The following SEC24D variants were observed in gnomAD, a reference collection of about 807,000 sequenced individuals.
The protein encoded by SEC24D is SEC24 homolog D, COPII component, also known as protein transport protein Sec24D.
In SEC24D, 69 loss-of-function variants were observed where a neutral mutation model predicts 116.9. The ratio of observed to expected loss-of-function variants is 0.59; its 90% CI spans 0.49 to 0.72. The LOEUF (loss-of-function observed/expected upper bound fraction) is 0.72. SEC24D is among the 30% of genes least tolerant of loss of function. The probability of loss-of-function intolerance (pLI) is 0.00; values close to 1 mark genes in which losing one functional copy is unlikely to be tolerated. For synonymous variants in SEC24D, 405 were observed against 442.8 expected (o/e 0.91, Z 1.07); for missense variants, 1,131 against 1,264.1 (o/e 0.89, Z 1.60).
At chr4:118,781,672 C>T (rs2110487140) in intron 8 of SEC24D, among the ~76,000 whole-genome samples, 1 of 152,306 alleles carries the variant, frequency 6.6e-6, no homozygotes, top group Middle Eastern at 3.4e-3. Context: ...GGATAATGTT[C>T]TGAAGAGTGT....
chr4:118,752,857 C>T lies in SEC24D; in HGVS notation c.1453G>A (p.Val485Met). 1 of 1,592,070 alleles carries T rather than the reference C, an allele frequency of 6.3e-7. No individual in the cohort carries two copies. Among genetic ancestry groups the T allele is most frequent in the Non-Finnish European group, 8.5e-7 (1 of 1,172,804 alleles). The change falls in exon 12 of 23, where the codon GTG becomes ATG. Residue 485 changes from valine to methionine, a missense_variant. By Grantham distance (21) the Val-to-Met change is conservative. Transcript: ENST00000280551. The stretch of plus-strand genomic sequence containing the variant: ...ACTTTGTTATATGTGATAAAACCCA[C>T]TCGAATTGCAGACGTCTCTTCTTGC... ...EEQEETSAIRVGFITYNKVLH... is the reference protein window; with the variant it reads ...EEQEETSAIRMGFITYNKVLH...
At chr4:118,788,708 T>C (rs904986738) in intron 8 of SEC24D, among the ~76,000 whole-genome samples, 3 of 152,206 alleles carry the variant, frequency 2.0e-5, no homozygotes, top group African/African-American at 7.2e-5. Context: ...TTAAAAGACA[T>C]GAAATATCCA....
chr4:118,731,203 G>T, intron 21 of SEC24D, 113 bp downstream of exon 21: 1 of 837,162 alleles, frequency 1.2e-6, no homozygotes, highest in Non-Finnish European at 1.9e-6. Context: ...TTCATATACA[G>T]AAATATATGC....
intron 10 of SEC24D, among the ~76,000 whole-genome samples, chr4:118,759,185 C>T (rs930018426): frequency 8.5e-5 from 13 of 152,154 alleles, no homozygotes; most frequent in East Asian, 7.7e-4. Context: ...ATTAATTCAT[C>T]GTTCCTCTAA....
At chr4:118,826,806 T>C (rs1730609133) in intron 2 of SEC24D, among the ~76,000 whole-genome samples, 1 of 152,170 alleles carries the variant, frequency 6.6e-6, no homozygotes, top group African/African-American at 2.4e-5. Context: ...TCCCTTTTGT[T>C]TGGGAATCAA....
At chr4:118,762,054 A>G (rs1375468472) in intron 10 of SEC24D, among the ~76,000 whole-genome samples, 1 of 152,194 alleles carries the variant, frequency 6.6e-6, no homozygotes, top group Non-Finnish European at 1.5e-5. Context: ...GGCATCTGGT[A>G]ATGTCAAAGT....
intron 7 of SEC24D, among the ~76,000 whole-genome samples, chr4:118,804,600 C>T (rs1729589076): frequency 6.6e-6 from 1 of 151,322 alleles, no homozygotes; most frequent in Admixed American, 6.6e-5. Flanking sequence ...AAAAAATCAA[C>T]AATTTCATAT....
intron 13 of SEC24D, among the ~76,000 whole-genome samples, chr4:118,748,290 G>A (rs1726646991): frequency 6.6e-6 from 1 of 150,954 alleles, no homozygotes. Context: ...ATTACCTACA[G>A]TAAAACTCTG....
At chr4:118,823,138 T>C (rs1459383724) in intron 3 of SEC24D, among the ~76,000 whole-genome samples, 1 of 152,216 alleles carries the variant, frequency 6.6e-6, no homozygotes, top group East Asian at 1.9e-4. Flanking sequence ...CTTTTTGCTC[T>C]TCCTCTCTTG....
intron 8 of SEC24D, among the ~76,000 whole-genome samples, chr4:118,791,679 C>A (rs1331358047): frequency 6.6e-6 from 1 of 152,162 alleles, no homozygotes; most frequent in Non-Finnish European, 1.5e-5. Flanking sequence ...CACGCGCCGC[C>A]ACGCCTGACT....
At chr4:118,824,379 C>G (rs1409410241) in intron 3 of SEC24D, among the ~76,000 whole-genome samples, 1 of 152,150 alleles carries the variant, frequency 6.6e-6, no homozygotes. Context: ...CTCCTGGGCT[C>G]AAGCCATCTG....
chr4:118,761,887 G>T (rs1727397002), intron 10 of SEC24D, among the ~76,000 whole-genome samples: 1 of 152,110 alleles, frequency 6.6e-6, no homozygotes, highest in Admixed American at 6.5e-5. Flanking sequence ...CACTATGATT[G>T]TTCTATTCTT....
chr4:118,818,900 A>G lies in SEC24D; in HGVS notation c.249-1488T>C, dbSNP rs1015534848. On this transcript the variant is annotated intron_variant, in intron 3 of 22. Transcript: ENST00000280551. ...AAAATACTGTTAAACAAAACTATCC[A>G]ATTTCTCTCCTGTCAAACTTTTCAA... Among the ~76,000 whole-genome samples the G allele has an allele frequency of 4.6e-5, 7 of 152,314 alleles. No individual in the cohort carries two copies. The East Asian group carries it at 1.3e-3, about 29-fold the overall frequency.
chr4:118,800,030 T>TA (rs1729361447), intron 7 of SEC24D, among the ~76,000 whole-genome samples: 1 of 152,070 alleles, frequency 6.6e-6, no homozygotes, highest in African/African-American at 2.4e-5. Context: ...GAAATATACT[T>TA]GAGTGGTGCA....
chr4:118,824,240 G>C (rs115240535), intron 3 of SEC24D, among the ~76,000 whole-genome samples: 6,656 of 151,932 alleles, frequency 0.044, 203 homozygotes, highest in Non-Finnish European at 0.064. Flanking sequence ...TTGACTTCCC[G>C]GGCTTACAGG....
chr4:118,796,323 T>C (rs1729177960), intron 8 of SEC24D, among the ~76,000 whole-genome samples: 1 of 152,208 alleles, frequency 6.6e-6, no homozygotes, highest in Non-Finnish European at 1.5e-5. Context: ...CTAAGCATAG[T>C]GAGTTTAATG....
At chr4:118,830,908 C>T (rs946605216) in intron 2 of SEC24D, among the ~76,000 whole-genome samples, 2 of 151,958 alleles carry the variant, frequency 1.3e-5, no homozygotes, top group Non-Finnish European at 2.9e-5. Flanking sequence ...ATGGATTGAA[C>T]AAAAAGAGTG....
chr4:118,799,222 T>C (rs1006016539), intron 7 of SEC24D, among the ~76,000 whole-genome samples: 3 of 152,158 alleles, frequency 2.0e-5, no homozygotes, highest in Non-Finnish European at 4.4e-5. Context: ...GGTGTGAAGA[T>C]GTGAGTGTGA....
chr4:118,816,088 ATTTTTTTTTT>A lies in SEC24D; in HGVS notation c.398-372_398-363del, dbSNP rs34404398. On this transcript the variant is annotated intron_variant, in intron 4 of 22. Coordinates refer to ENST00000280551, the MANE Select transcript of SEC24D (RefSeq NM_014822.4). Reference sequence around the variant, plus strand: ...AGGCACACACCACCACGCCAAGTTCATTTTTTTTTTTTTTTTTTTTTGTAGAGTTGGGGTC... The same window carrying A: ...AGGCACACACCACCACGCCAAGTTCATTTTTTTTTTTGTAGAGTTGGGGTC... Among the ~76,000 whole-genome samples, 733 of 101,332 alleles carry A rather than the reference ATTTTTTTTTT, an allele frequency of 7.2e-3. 9 individuals are homozygous for A. Among genetic ancestry groups the A allele is most frequent in the African/African-American group, 0.026 (701 of 27,306 alleles). 66.5% of individuals were successfully genotyped at this position (101,332 alleles called of 152,430 possible).
Sources: gnomAD v4.1 joint callset for allele counts (sites outside exome capture counted in the v4.1 genomes callset) on GRCh38, gnomAD v4.1.1 for gene constraint, MANE v1.5 for transcripts, NCBI Gene and HGNC (gene_info 2026-07-23, HGNC 2026-07-21) for gene names.